Variants in COL10A1 observed in about 807,000 individuals in gnomAD.
COL10A1 encodes collagen alpha-1(X) chain.
In COL10A1, 10 loss-of-function variants were observed where a neutral mutation model predicts 18.2. The observed-to-expected ratio is 0.55, with a 90% CI of 0.34 to 0.93. The LOEUF is 0.93. Among genes scored for constraint, COL10A1 ranks in the 40% least tolerant of loss-of-function variants. The probability of loss-of-function intolerance (pLI) is 0.02; values close to 1 mark genes in which losing one functional copy is unlikely to be tolerated. For missense variants in COL10A1, 897 were observed against 853.5 expected, an observed-to-expected ratio of 1.05 and a Z score of -0.64; for synonymous variants, 330 against 316.6, an observed-to-expected ratio of 1.04 and a Z score of -0.45.
At chr6:116,128,782 C>T (rs1317292102), upstream of COL10A1, among the ~76,000 whole-genome samples, 1 of 152,120 alleles carries the variant, frequency 6.6e-6, no homozygotes, top group African/African-American at 2.4e-5. Context: ...GGTTCAAAGA[C>T]TATATTTTCA....
intron 1 of COL10A1, among the ~76,000 whole-genome samples, chr6:116,155,534 A>G (rs1780166984): frequency 1.3e-5 from 2 of 152,150 alleles, no homozygotes; most frequent in South Asian, 4.1e-4. Context: ...AAAGCAAACA[A>G]TCTAAACAAT....
chr6:116,202,546 A>G, the COL10A1 span, among the ~76,000 whole-genome samples: 5 of 152,062 alleles, frequency 3.3e-5, no homozygotes, highest in Non-Finnish European at 5.9e-5. Context: ...AACAAAGGCT[A>G]TTTTCTTTTA....
the COL10A1 span, among the ~76,000 whole-genome samples, chr6:116,172,727 T>C: frequency 1.3e-5 from 2 of 152,188 alleles, no homozygotes; most frequent in East Asian, 1.9e-4. Flanking sequence ...TCCTGAGAAA[T>C]TTTAAAGTAT....
the COL10A1 span, among the ~76,000 whole-genome samples, chr6:116,214,584 G>T: frequency 6.6e-6 from 1 of 151,982 alleles, no homozygotes; most frequent in Admixed American, 6.6e-5. Context: ...ACATCTTCAG[G>T]CCCCACCCCA....
intron 1 of COL10A1, among the ~76,000 whole-genome samples, chr6:116,144,516 G>A (rs1432339888): frequency 6.6e-6 from 1 of 151,642 alleles, no homozygotes; most frequent in Non-Finnish European, 1.5e-5. Context: ...AAAAAAAAGT[G>A]TAAAAGGAGA....
chr6:116,178,084 T>TGTGA, the COL10A1 span, among the ~76,000 whole-genome samples: 1 of 91,882 alleles, frequency 1.1e-5, no homozygotes, highest in Non-Finnish European at 2.1e-5. Flanking sequence ...TGTGTGTGTG[T>TGTGA]GTGTGCGCGC....
rs190944959 is a variant in COL10A1, at chr6:116,153,479, A to G, written c.-16+5135T>C. The stretch of plus-strand genomic sequence containing the variant: ...CTGGAGTTCAAAATAATAGAAGATA[A>G]TATGCCATTTATTCATTTAATTTTT... On this transcript the variant is annotated intron_variant, in intron 1 of 1. Coordinates refer to the COL10A1 transcript ENST00000418500. Among the ~76,000 whole-genome samples, 99 of 152,228 alleles carry G rather than the reference A, an allele frequency of 6.5e-4. 2 individuals carry two copies. The highest frequency in any genetic ancestry group is 2.1e-4 in the Non-Finnish European group (14 of 67,984).
intron 2 of COL10A1, 74 bp from the exon 3 acceptor site, chr6:116,122,035 A>T: frequency 7.7e-7 from 1 of 1,291,140 alleles, no homozygotes; most frequent in South Asian, 1.2e-5. Context: ...ATTGCCTTTC[A>T]AACTATGAAT....
Position 116,120,834 on chromosome 6 carries a change from C to T in COL10A1, c.1282G>A (p.Gly428Arg), listed in dbSNP as rs371658940. 1 of 1,613,886 alleles carries T rather than the reference C, an allele frequency of 6.2e-7. No individual in the cohort carries two copies. Among genetic ancestry groups the T allele is most frequent in the Non-Finnish European group, 8.5e-7 (1 of 1,179,986 alleles). Residue 428 changes from glycine to arginine, a missense_variant, in exon 3 of 3, where the codon GGA (glycine) becomes AGA (arginine). By Grantham distance (125) the Gly-to-Arg change is moderately radical. Transcript: ENST00000651968. ...PGLPGPVGPA[G>R]AKGMPGHNGE... is the part of the protein sequence containing the mutation. ...TTGTGTCCGGGCATTCCCTTTGCTC[C>T]TGCTGGGCCCACAGGGCCTGGGAGA...
chr6:116,141,529 G>A (rs947030018), intron 1 of COL10A1, among the ~76,000 whole-genome samples: 2 of 151,930 alleles, frequency 1.3e-5, no homozygotes, highest in Non-Finnish European at 2.9e-5. Context: ...AAGAAAAAAC[G>A]TGGCACCCTT....
the COL10A1 span, among the ~76,000 whole-genome samples, chr6:116,185,702 A>G: frequency 2.6e-5 from 4 of 152,070 alleles, no homozygotes; most frequent in East Asian, 7.7e-4. Context: ...TGCTTTTGGT[A>G]TACATTTGCA....
At chr6:116,168,434 A>G in the COL10A1 span, among the ~76,000 whole-genome samples, 2 of 151,924 alleles carry the variant, frequency 1.3e-5, no homozygotes, top group African/African-American at 4.8e-5. Context: ...CTAGAATTCC[A>G]TTTAGTTCTT....
At position 116,119,967 on chromosome 6, in the gene COL10A1, TA is replaced by T; in HGVS notation, c.*105del. On this transcript the variant is annotated 3_prime_UTR_variant, in exon 3 of 3. Coordinates refer to ENST00000651968, the MANE Select transcript of COL10A1 (RefSeq NM_000493.4). ...TAGCTCAAATCTGTATTTCAGAAAA[TA>T]AAAATTACATTCTTTTCAGCCTACC... is the stretch of plus-strand genomic sequence containing the variant. 1 of 1,076,358 alleles carries T rather than the reference TA, an allele frequency of 9.3e-7. No homozygotes were observed. The highest frequency in any genetic ancestry group is 1.4e-6 in the Non-Finnish European group (1 of 705,038). The allele number at this position is 1,076,358 out of a possible 1,614,324, so 66.7% of individuals were successfully genotyped here. A position where few individuals can be genotyped will look rare whatever the true frequency, so the allele number is the denominator to read the frequency against.
intron 1 of COL10A1, among the ~76,000 whole-genome samples, chr6:116,135,848 T>TATATATATATATATATATATACAC (rs1562132559): frequency 1.9e-5 from 2 of 105,598 alleles, no homozygotes; most frequent in African/African-American, 9.7e-5. Flanking sequence ...TATATATATA[T>TATATATATATATATATATATACAC]ATATATATAT....
intron 1 of COL10A1, among the ~76,000 whole-genome samples, chr6:116,133,868 G>T (rs1425695142): frequency 1.3e-5 from 2 of 152,106 alleles, no homozygotes; most frequent in African/African-American, 2.4e-5. Context: ...TGGGAAAAAT[G>T]TAACAAATAG....
At chr6:116,205,038 G>A in the COL10A1 span, among the ~76,000 whole-genome samples, 6 of 152,026 alleles carry the variant, frequency 3.9e-5, no homozygotes, top group South Asian at 6.2e-4. Flanking sequence ...ATGCAAGTCC[G>A]TAGAAATTTA....
At chr6:116,162,923 C>T (rs777466099), upstream of COL10A1, among the ~76,000 whole-genome samples, 2 of 151,690 alleles carry the variant, frequency 1.3e-5, no homozygotes, top group Non-Finnish European at 2.9e-5. Context: ...GTCAGGAGAT[C>T]GAGACCATCC....
At chr6:116,167,746 G>A in the COL10A1 span, among the ~76,000 whole-genome samples, 14 of 152,216 alleles carry the variant, frequency 9.2e-5, no homozygotes, top group East Asian at 3.9e-4. Context: ...GCCCATGACC[G>A]TTGTTGGATA....
At chr6:116,191,178 G>A in the COL10A1 span, among the ~76,000 whole-genome samples, 4 of 151,784 alleles carry the variant, frequency 2.6e-5, no homozygotes, top group East Asian at 1.9e-4. Flanking sequence ...TCTGGAAGTC[G>A]ATATCCTAAA....
Sources: gnomAD v4.1 joint callset for allele counts (sites outside exome capture counted in the v4.1 genomes callset) on GRCh38, gnomAD v4.1.1 for gene constraint, MANE v1.5 for transcripts, NCBI Gene and HGNC (gene_info 2026-07-23, HGNC 2026-07-21) for gene names.